Variants in PATJ observed in about 807,000 individuals in gnomAD.
PATJ encodes the protein inaD-like protein.
A neutral mutation model predicts 224.9 loss-of-function variants in PATJ; 190 were observed. That is an observed-to-expected ratio of 0.84 (90% confidence interval 0.75 to 0.95). PATJ has a LOEUF of 0.95. Ranked by LOEUF, PATJ falls within the 40% of genes least tolerant of loss-of-function variation. The probability of loss-of-function intolerance (pLI) is 0.00; values close to 1 mark genes in which losing one functional copy is unlikely to be tolerated. For synonymous variants in PATJ, 769 were observed against 820.3 expected, an observed-to-expected ratio of 0.94 and a Z score of 1.07; for missense variants, 2,121 against 2,270.3, an observed-to-expected ratio of 0.93 and a Z score of 1.34.
intron 30 of PATJ, among the ~76,000 whole-genome samples, chr1:62,048,533 G>A (rs1313292531): frequency 2.5e-4 from 29 of 115,210 alleles, no homozygotes; most frequent in African/African-American, 3.7e-4. Context: ...GCGACAGAGC[G>A]AGACTCTGTC....
In PATJ at chr1:62,063,583, A is replaced by G. The variant is rs1471555462; in HGVS notation, c.4125+12525A>G. On this transcript the variant is annotated intron_variant, in intron 31 of 43. Transcript: ENST00000642238. Reference sequence around the variant, plus strand: ...TTGACAGAAATAGCATTGAATGCATAGATTGCTTTGGGCAGTATAGCCATT... The same window carrying G: ...TTGACAGAAATAGCATTGAATGCATGGATTGCTTTGGGCAGTATAGCCATT... 2.0e-5 allele frequency among the ~76,000 whole-genome samples: 3 copies of G among 152,194 alleles called. No homozygotes were observed. The East Asian group carries it at 5.8e-4, about 29-fold the overall frequency.
chr1:61,979,872 C>T (rs1247724609), intron 27 of PATJ, among the ~76,000 whole-genome samples: 1 of 151,978 alleles, frequency 6.6e-6, no homozygotes, highest in African/African-American at 2.4e-5. Context: ...ACGTCTGCTG[C>T]TTAGATTCTT....
At chr1:61,930,918 G>A (rs1391431891) in intron 27 of PATJ, among the ~76,000 whole-genome samples, 1 of 152,128 alleles carries the variant, frequency 6.6e-6, no homozygotes, top group Non-Finnish European at 1.5e-5. Flanking sequence ...GGTCAGGCTG[G>A]TCTGAAACTC....
At chr1:61,882,694 TC>T (rs1420353682) in intron 21 of PATJ, among the ~76,000 whole-genome samples, 2 of 152,154 alleles carry the variant, frequency 1.3e-5, no homozygotes, top group African/African-American at 4.8e-5. Flanking sequence ...CTAGTGATCC[TC>T]CTGCCTCAGC....
In PATJ at chr1:61,896,295, C is replaced by CAAAA. The variant is rs386367129; in HGVS notation, c.3132-3277_3132-3274dup. Among the ~76,000 whole-genome samples, 1,156 of 143,980 alleles carry CAAAA rather than the reference C, an allele frequency of 8.0e-3. 22 individuals carry two copies. Among genetic ancestry groups the CAAAA allele is most frequent in the African/African-American group, 0.028 (1,085 of 38,596 alleles). 94.5% of individuals were successfully genotyped at this position (143,980 alleles called of 152,430 possible). The stretch of plus-strand genomic sequence containing the variant: ...TGGGCGACAGAGGGAGACTCCATCT[C>CAAAA]AAAAAAAAAAAAAATTTAATGACTA... On this transcript the variant is annotated intron_variant, in intron 22 of 43. Coordinates refer to ENST00000642238, the MANE Select transcript of PATJ (RefSeq NM_001350145.3).
rs528433931 is a variant in PATJ, at chr1:62,088,160, G to A, written c.4377+3512G>A. On this transcript the variant is annotated intron_variant, in intron 33 of 43. Coordinates refer to ENST00000642238, the MANE Select transcript of PATJ (RefSeq NM_001350145.3). ...CCTGCCTCAGCCTCCCAAAGTGCTG[G>A]GATTACAGGCATAAGCCACCACGCC... Among the ~76,000 whole-genome samples the A allele has an allele frequency of 9.9e-5, 15 of 152,134 alleles. No individual in the cohort carries two copies. The South Asian group carries it at 3.1e-3, about 32-fold the overall frequency.
intron 1 of PATJ, among the ~76,000 whole-genome samples, chr1:61,754,520 GTTTT>G (rs548557219): frequency 5.3e-5 from 5 of 94,444 alleles, no homozygotes; most frequent in Non-Finnish European, 6.3e-5. Context: ...TTTTTTGCAT[GTTTT>G]TTTTTTTTTT....
intron 1 of PATJ, among the ~76,000 whole-genome samples, chr1:61,761,261 A>G (rs1027188276): frequency 6.6e-6 from 1 of 152,176 alleles, no homozygotes; most frequent in East Asian, 1.9e-4. Context: ...ACAGTGAGCC[A>G]CTGCTCCTGG....
intron 29 of PATJ, among the ~76,000 whole-genome samples, chr1:62,022,012 A>G (rs1173917996): frequency 6.6e-6 from 1 of 152,196 alleles, no homozygotes; most frequent in Non-Finnish European, 1.5e-5. Flanking sequence ...CATTATACAG[A>G]AAATTTTGGC....
chr1:61,929,091 C>G (rs1675643497), intron 27 of PATJ, among the ~76,000 whole-genome samples: 1 of 152,096 alleles, frequency 6.6e-6, no homozygotes, highest in Non-Finnish European at 1.5e-5. Flanking sequence ...TTCTCAGCTT[C>G]TTTTTGGAGA....
intron 27 of PATJ, among the ~76,000 whole-genome samples, chr1:61,949,437 T>G (rs1408858364): frequency 6.6e-6 from 1 of 152,210 alleles, no homozygotes; most frequent in East Asian, 1.9e-4. Flanking sequence ...AATCATTGAA[T>G]TGTATATTTA....
intron 14 of PATJ, among the ~76,000 whole-genome samples, chr1:61,810,267 T>G (rs1482546632): frequency 2.6e-5 from 4 of 152,166 alleles, no homozygotes; most frequent in Non-Finnish European, 5.9e-5. Flanking sequence ...TTTCCTCAGA[T>G]GTACAAAATC....
chr1:61,868,661 T>C (rs1446499213), intron 20 of PATJ, among the ~76,000 whole-genome samples: 2 of 152,040 alleles, frequency 1.3e-5, no homozygotes, highest in Non-Finnish European at 2.9e-5. Context: ...TGGTGGTGCA[T>C]GCCTGTGGTT....
At chr1:61,891,955 T>G (rs1669663515) in intron 22 of PATJ, among the ~76,000 whole-genome samples, 1 of 152,230 alleles carries the variant, frequency 6.6e-6, no homozygotes, top group African/African-American at 2.4e-5. Context: ...TTTCCTGTTT[T>G]AGAACACATG....
chr1:61,955,633 G>T (rs139784772), intron 27 of PATJ, among the ~76,000 whole-genome samples: 62 of 152,332 alleles, frequency 4.1e-4, no homozygotes, highest in Middle Eastern at 6.8e-3. Flanking sequence ...ACACTGAAAT[G>T]AAATTTATAG....
chr1:61,928,601 G>A (rs1675571053), intron 27 of PATJ, among the ~76,000 whole-genome samples: 2 of 152,070 alleles, frequency 1.3e-5, no homozygotes, highest in Admixed American at 6.6e-5. Context: ...GCAGTTCCTA[G>A]AGTGTGACCT....
intron 17 of PATJ, among the ~76,000 whole-genome samples, chr1:61,846,787 C>T (rs1031776241): frequency 1.3e-5 from 2 of 152,080 alleles, no homozygotes; most frequent in African/African-American, 2.4e-5. Context: ...TTAGTAGAGA[C>T]GGGTTTTCGC....
intron 1 of PATJ, among the ~76,000 whole-genome samples, chr1:61,761,003 G>T (rs1284381874): frequency 6.6e-6 from 1 of 151,598 alleles, no homozygotes; most frequent in Non-Finnish European, 1.5e-5. Flanking sequence ...TGTTGAGATG[G>T]GGTCTCCCTT....
At chr1:62,076,057 T>C (rs938435490) in intron 31 of PATJ, among the ~76,000 whole-genome samples, 1 of 152,212 alleles carries the variant, frequency 6.6e-6, no homozygotes, top group African/African-American at 2.4e-5. Context: ...AAATCACGAA[T>C]GCTAGGACCC....
Sources: allele counts gnomAD v4.1 joint callset (sites outside exome capture counted in the v4.1 genomes callset), GRCh38; gene constraint gnomAD v4.1.1; transcripts MANE v1.5; gene names NCBI Gene and HGNC (gene_info 2026-07-23, HGNC 2026-07-21).